The following PRKN variants were observed in gnomAD, a reference collection of about 807,000 sequenced individuals.
PRKN encodes E3 ubiquitin-protein ligase parkin.
PRKN carries 56 observed loss-of-function variants against 59.5 expected under a neutral mutation model. That is an observed-to-expected ratio of 0.94 (90% CI 0.76 to 1.18). The LOEUF is 1.18. PRKN is among the 50% of genes most tolerant of loss of function. PRKN has a pLI of 0.00. For synonymous variants in PRKN, 250 were observed against 222.1 expected, an observed-to-expected ratio of 1.13 and a Z score of -1.12; for missense variants, 657 against 596.4, an observed-to-expected ratio of 1.10 and a Z score of -1.06.
chr6:161,695,466 C>A (rs1214343745), intron 7 of PRKN, among the ~76,000 whole-genome samples: 2 of 152,172 alleles, frequency 1.3e-5, no homozygotes, highest in Non-Finnish European at 2.9e-5. Flanking sequence ...CACTCAGTGT[C>A]TTCCCAAATC....
rs1468705511 is a variant in PRKN at position 161,592,661 on chromosome 6, A to G, written c.872-23245T>C. ...GGCTATGGAGAAAGATGAAGCAGGG[A>G]AACTGTTGGAGGGAGAGGGAGGATC... On this transcript the variant is annotated intron_variant, in intron 7 of 11. Transcript: ENST00000366898. This position sits in a 1 kb window ranked among gnomAD's most constrained non-coding sequence, Gnocchi z 4.8. Among the ~76,000 whole-genome samples, 4 of 152,122 alleles carry G rather than the reference A, an allele frequency of 2.6e-5. No homozygotes were observed. The highest frequency in any genetic ancestry group is 9.7e-5 in the African/African-American group (4 of 41,442).
At chr6:162,414,208 G>C (rs1230109920) in intron 2 of PRKN, among the ~76,000 whole-genome samples, 1 of 151,986 alleles carries the variant, frequency 6.6e-6, no homozygotes, top group African/African-American at 2.4e-5. Context: ...AAAGATTTCA[G>C]ATACAGAGCT....
chr6:162,460,314 A>G (rs1791092040), intron 1 of PRKN, among the ~76,000 whole-genome samples: 1 of 152,204 alleles, frequency 6.6e-6, no homozygotes, highest in African/African-American at 2.4e-5. Context: ...GAGTTGGCAA[A>G]TCTATAGACA....
chr6:161,570,138 A>ATATAT (rs1401631518), intron 7 of PRKN, among the ~76,000 whole-genome samples: 2 of 132,784 alleles, frequency 1.5e-5, no homozygotes, highest in African/African-American at 2.9e-5. Context: ...AAAAAAAAAA[A>ATATAT]AAAAAAAAAT....
intron 3 of PRKN, among the ~76,000 whole-genome samples, chr6:162,216,297 G>T (rs554248007): frequency 1.3e-5 from 2 of 151,830 alleles, no homozygotes; most frequent in African/African-American, 4.8e-5. Flanking sequence ...TTGGGAGGCC[G>T]AGGCGGGTGG....
rs1490069227 is a variant in PRKN, at chr6:161,371,910, A to G, written c.1168-11705T>C. Among the ~76,000 whole-genome samples, 1 of 152,160 alleles carries G rather than the reference A, an allele frequency of 6.6e-6. No homozygotes were observed. The highest frequency in any genetic ancestry group is 1.5e-5 in the Non-Finnish European group (1 of 68,032). ...TGCCTCGGCCTCCCAAAGTGCTGGG[A>G]TTACAGGCATGAGCCACCATGCCTG... On this transcript the variant is annotated intron_variant, in intron 10 of 11. Transcript: ENST00000366898. This position sits in a 1 kb window ranked among gnomAD's most constrained non-coding sequence, Gnocchi z 5.5.
chr6:161,427,754 T>C (rs1478254458), intron 9 of PRKN, among the ~76,000 whole-genome samples: 1 of 152,176 alleles, frequency 6.6e-6, no homozygotes, highest in African/African-American at 2.4e-5. Context: ...AGTCACATCA[T>C]AATCCCATGT....
intron 7 of PRKN, among the ~76,000 whole-genome samples, chr6:161,769,021 CT>C (rs1789548106): frequency 6.6e-6 from 1 of 152,180 alleles, no homozygotes; most frequent in Non-Finnish European, 1.5e-5. Flanking sequence ...CTATCAATAA[CT>C]TTCCAAGTTA....
chr6:162,167,051 G>C (rs1234435147), intron 4 of PRKN, among the ~76,000 whole-genome samples: 1 of 152,160 alleles, frequency 6.6e-6, no homozygotes, highest in Non-Finnish European at 1.5e-5. Context: ...ATAGGGAATA[G>C]CATGCATATG....
chr6:162,067,871 TTTG>T (rs1778402998), intron 4 of PRKN, among the ~76,000 whole-genome samples: 1 of 152,344 alleles, frequency 6.6e-6, no homozygotes, highest in South Asian at 2.1e-4. Context: ...CATAAAAGTA[TTTG>T]TTGTTTTGTT....
intron 1 of PRKN, among the ~76,000 whole-genome samples, chr6:162,543,611 T>C (rs1352667549): frequency 6.6e-6 from 1 of 152,092 alleles, no homozygotes; most frequent in Non-Finnish European, 1.5e-5. Context: ...CTCTCCTTAT[T>C]AAGTAGAGGA....
At chr6:162,453,203 G>A (rs1242032249) in intron 1 of PRKN, among the ~76,000 whole-genome samples, 1 of 152,114 alleles carries the variant, frequency 6.6e-6, no homozygotes, top group Non-Finnish European at 1.5e-5. Context: ...CCCTCCTCAG[G>A]GAGTAAGAGA....
At position 162,633,498 on chromosome 6, in the gene PRKN, C is replaced by G. The variant is rs145692411; in HGVS notation, c.7+94164G>C. Among the ~76,000 whole-genome samples the G allele has an allele frequency of 1.1e-3, 155 of 144,464 alleles. 2 individuals carry two copies. The East Asian group carries it at 0.031, about 29-fold the overall frequency. The allele number at this position is 144,464 out of a possible 152,430, so 94.8% of individuals were successfully genotyped here. A position where few individuals can be genotyped will look rare whatever the true frequency, so the allele number is the denominator to read the frequency against. On this transcript the variant is annotated intron_variant, in intron 1 of 11. Coordinates refer to ENST00000366898, the MANE Select transcript of PRKN (RefSeq NM_004562.3). ...ACTGGGAAGGGAGGACTTATAACTCCTAAAACTCCAGTTTCTAGAGAAATT... is the reference window on the plus strand; with the variant it reads ...ACTGGGAAGGGAGGACTTATAACTCGTAAAACTCCAGTTTCTAGAGAAATT...
At chr6:161,425,202 C>T (rs1192174776) in intron 9 of PRKN, among the ~76,000 whole-genome samples, 1 of 152,136 alleles carries the variant, frequency 6.6e-6, no homozygotes. Flanking sequence ...CCCCACTAGT[C>T]TTGGAAGAGC....
chr6:162,420,645 T>G (rs1788915315), intron 2 of PRKN, among the ~76,000 whole-genome samples: 1 of 152,180 alleles, frequency 6.6e-6, no homozygotes, highest in Non-Finnish European at 1.5e-5. Context: ...TGGTATTATT[T>G]TTAAAAGCTA....
chr6:162,661,195 A>G (rs571064149), intron 1 of PRKN, among the ~76,000 whole-genome samples: 1 of 152,074 alleles, frequency 6.6e-6, no homozygotes, highest in Non-Finnish European at 1.5e-5. Context: ...CAGGAGGCAA[A>G]GGTTGCAGTG....
At chr6:161,802,420 C>T (rs1003551924) in intron 6 of PRKN, among the ~76,000 whole-genome samples, 8 of 151,608 alleles carry the variant, frequency 5.3e-5, no homozygotes, top group Non-Finnish European at 1.2e-4. Context: ...CCACACAAGC[C>T]CCACATGACC....
At chr6:161,633,740 A>T (rs1167992631) in intron 7 of PRKN, among the ~76,000 whole-genome samples, 7 of 152,162 alleles carry the variant, frequency 4.6e-5, no homozygotes. Context: ...TGAAACTGTC[A>T]TAATTTAATT....
chr6:162,079,562 C>T (rs557292885), intron 4 of PRKN, among the ~76,000 whole-genome samples: 1 of 152,132 alleles, frequency 6.6e-6, no homozygotes, highest in Admixed American at 6.5e-5. Context: ...AAACCCTGCC[C>T]ATCCCCTGTT....
Sources: allele counts gnomAD v4.1 joint callset (sites outside exome capture counted in the v4.1 genomes callset), GRCh38; gene constraint gnomAD v4.1.1; non-coding constraint Gnocchi (gnomAD v3.1); transcripts MANE v1.5; gene names NCBI Gene and HGNC (gene_info 2026-07-23, HGNC 2026-07-21).